Variants in ZNF177 observed in about 807,000 individuals in gnomAD.
ZNF177 encodes the protein zinc finger protein 177.
A neutral mutation model predicts 19.4 loss-of-function variants in ZNF177; 17 were observed. That is an observed-to-expected ratio of 0.87 (90% CI 0.60 to 1.31). ZNF177 has a LOEUF of 1.31. Among genes scored for constraint, ZNF177 ranks in the 40% most tolerant of loss-of-function variants. The pLI, the probability that ZNF177 is intolerant of heterozygous loss-of-function variation, is 0.00. For synonymous variants in ZNF177, 220 were observed against 188.7 expected, an observed-to-expected ratio of 1.17 and a Z score of -1.36; for missense variants, 633 against 561.8, an observed-to-expected ratio of 1.13 and a Z score of -1.28.
At chr19:9,376,760 T>C (rs1171352682) in intron 1 of ZNF177, among the ~76,000 whole-genome samples, 1 of 152,208 alleles carries the variant, frequency 6.6e-6, no homozygotes, top group East Asian at 1.9e-4. Flanking sequence ...TTATAACTTT[T>C]TAATATTTTT....
chr19:9,373,980 A>T (rs1005063320), upstream of ZNF177, among the ~76,000 whole-genome samples: 8 of 152,034 alleles, frequency 5.3e-5, no homozygotes, highest in African/African-American at 7.2e-5. Flanking sequence ...TAAAAAAAAA[A>T]TTTGTCAAAA....
chr19:9,373,985 T>A (rs960964095), upstream of ZNF177, among the ~76,000 whole-genome samples: 1 of 152,154 alleles, frequency 6.6e-6, no homozygotes, highest in Admixed American at 6.5e-5. Context: ...AAAAAATTTG[T>A]CAAAATTAAT....
At chr19:9,381,465 C>T (rs3826783) in exon 6 of ZNF177, 915,384 of 1,613,734 alleles carry the variant, frequency 0.57, 262,104 homozygotes, top group Middle Eastern at 0.63. Flanking sequence ...AAGCCTTCAT[C>T]GATCAGTCAT....
At chr19:9,382,537 C>G (rs2068217403), downstream of ZNF177, 1 of 396,810 alleles carries the variant, frequency 2.5e-6, no homozygotes, top group Non-Finnish European at 4.4e-6. Context: ...TTAAACCACT[C>G]TTGTGGGAAG....
chr19:9,378,778 T>C (rs11671851), intron 2 of ZNF177, among the ~76,000 whole-genome samples, 184 bp from the exon 5 acceptor site: 11,285 of 151,812 alleles, frequency 0.074, 636 homozygotes, highest in Non-Finnish European at 0.12. Context: ...GCCCAGGGAG[T>C]AGGATTTAAA....
At chr19:9,377,896 C>T (rs919895266) in intron 1 of ZNF177, among the ~76,000 whole-genome samples, 1 of 152,184 alleles carries the variant, frequency 6.6e-6, no homozygotes, top group Middle Eastern at 3.4e-3. Context: ...TAAGATATTC[C>T]AAACTCATCT....
chr19:9,380,208 T>A, intron 5 of ZNF177, 69 bp downstream of exon 7: 11 of 1,505,292 alleles, frequency 7.3e-6, no homozygotes, highest in African/African-American at 1.4e-5. Flanking sequence ...AGTTAAAACA[T>A]CAGCACCCAA....
At chr19:9,363,797 T>G (rs1009985120) in intron 1 of ZNF177, among the ~76,000 whole-genome samples, 5 of 152,142 alleles carry the variant, frequency 3.3e-5, no homozygotes, top group Admixed American at 6.5e-5. Context: ...AATAAGAACT[T>G]TATTCTCCCT....
chr19:9,365,326 A>G (rs1370845768), intron 2 of ZNF177, among the ~76,000 whole-genome samples: 1 of 151,898 alleles, frequency 6.6e-6, no homozygotes, highest in Non-Finnish European at 1.5e-5. Context: ...CAGAAAAAAG[A>G]GAGAGTAGAG....
At chr19:9,381,349 T>A (rs1282439532) in exon 6 of ZNF177, 1 of 1,614,084 alleles carries the variant, frequency 6.2e-7, no homozygotes, top group South Asian at 1.1e-5. Flanking sequence ...AGAGAAACCC[T>A]ATGACTGTAA....
At chr19:9,364,109 C>T (rs2067944601) in intron 1 of ZNF177, among the ~76,000 whole-genome samples, 1 of 152,116 alleles carries the variant, frequency 6.6e-6, no homozygotes, top group Non-Finnish European at 1.5e-5. Flanking sequence ...TTCATTGCCC[C>T]AAAAGAGAAT....
At chr19:9,381,931 C>A in exon 6 of ZNF177, 3 of 1,158,492 alleles carry the variant, frequency 2.6e-6, no homozygotes, top group Middle Eastern at 2.0e-4. Context: ...AATGTTATAG[C>A]TATGATTGTT....
chr19:9,377,729 C>G (rs1396730528), intron 1 of ZNF177, among the ~76,000 whole-genome samples: 1 of 152,110 alleles, frequency 6.6e-6, no homozygotes, highest in Non-Finnish European at 1.5e-5. Flanking sequence ...AAATGTTGTT[C>G]TGGAATGTCA....
At chr19:9,374,298 C>G (rs2068083333), upstream of ZNF177, among the ~76,000 whole-genome samples, 1 of 152,098 alleles carries the variant, frequency 6.6e-6, no homozygotes, top group Non-Finnish European at 1.5e-5. Flanking sequence ...ATTACAGTAC[C>G]TTTGTAATAT....
intron 2 of ZNF177, among the ~76,000 whole-genome samples, chr19:9,369,205 CT>C (rs1000875858): frequency 5.3e-5 from 8 of 152,000 alleles, no homozygotes; most frequent in South Asian, 4.2e-4. Flanking sequence ...TCTTCATATC[CT>C]TTTTTTCATA....
intron 3 of ZNF177, 42 bp downstream of exon 5, chr19:9,379,130 AGTT>A (rs1176477853): frequency 6.4e-7 from 1 of 1,565,558 alleles, no homozygotes; most frequent in Non-Finnish European, 8.7e-7. Flanking sequence ...TGTAGCAAAT[AGTT>A]CTTAAGCACA....
rs545307602 is a variant in ZNF177, at chr19:9,378,840, C to T, written c.34-122C>T. On this transcript the variant is annotated intron_variant, in intron 2 of 5. Transcript: ENST00000589262. ...GCAAATTAAGAGAAGGCCTCTGATG[C>T]ATGTCTGAGCTTCCAGTGCCCTGAG... 587 of 1,392,804 alleles carry T rather than the reference C, an allele frequency of 4.2e-4. 7 individuals are homozygous for T. The South Asian group carries it at 0.01, about 24-fold the overall frequency. The allele number at this position is 1,392,804 out of a possible 1,614,324, so 86.3% of individuals were successfully genotyped here.
At chr19:9,378,730 T>G in intron 2 of ZNF177, 1 of 644,816 alleles carries the variant, frequency 1.6e-6, no homozygotes, top group Non-Finnish European at 2.4e-6. Context: ...CAACCATATT[T>G]TAGAAAAGCT....
chr19:9,380,807 A>G, exon 6 of ZNF177: 1 of 1,536,148 alleles, frequency 6.5e-7, no homozygotes, highest in Non-Finnish European at 8.7e-7. Flanking sequence ...GTCTTCAACC[A>G]TCCCTCAACT....
Sources: allele counts gnomAD v4.1 joint callset (sites outside exome capture counted in the v4.1 genomes callset), GRCh38; gene constraint gnomAD v4.1.1; transcripts MANE v1.5; gene names NCBI Gene and HGNC (gene_info 2026-07-23, HGNC 2026-07-21).